The following EFCAB6 variants were observed in gnomAD, a reference collection of about 807,000 sequenced individuals.
EFCAB6 encodes EF-hand calcium-binding domain-containing protein 6.
EFCAB6 carries 156 observed loss-of-function variants against 169.8 expected under a neutral mutation model. The ratio of observed to expected loss-of-function variants is 0.92; its 90% CI spans 0.81 to 1.05. The LOEUF (loss-of-function observed/expected upper bound fraction) is 1.05. EFCAB6 is among the 50% of genes least tolerant of loss of function. The pLI is 0.00. For missense variants in EFCAB6, 1,800 were observed against 1,829.1 expected, an observed-to-expected ratio of 0.98 and a Z score of 0.29; for synonymous variants, 698 against 676.4, an observed-to-expected ratio of 1.03 and a Z score of -0.50.
At chr22:43,622,952 C>A (rs2054208157) in intron 20 of EFCAB6, among the ~76,000 whole-genome samples, 2 of 152,194 alleles carry the variant, frequency 1.3e-5, no homozygotes, top group South Asian at 2.1e-4. Flanking sequence ...CTGAATGCAG[C>A]TGGAAATTCA....
chr22:43,762,059 G>A (rs1260659311), intron 5 of EFCAB6, among the ~76,000 whole-genome samples: 2 of 152,128 alleles, frequency 1.3e-5, no homozygotes, highest in East Asian at 3.9e-4. Context: ...CCACAGAAGG[G>A]CACACCCCGT....
rs566714625 is a variant in EFCAB6 at position 43,541,314 on chromosome 22, CG to C, written c.3649-958del. Among the ~76,000 whole-genome samples the C allele has an allele frequency of 3.0e-4, 45 of 152,278 alleles. No individual in the cohort carries two copies. In the East Asian group the frequency reaches 7.5e-3, roughly 25 times the overall value. On this transcript the variant is annotated intron_variant, in intron 27 of 31. Transcript: ENST00000262726. ...TCCTCAGAAGAAGCAGGGAGAGGTA[CG>C]GAAGTCGGGGTTGGGGGGTGCAAAG...
At chr22:43,542,514 A>G (rs1434075679) in intron 27 of EFCAB6, among the ~76,000 whole-genome samples, 1 of 152,208 alleles carries the variant, frequency 6.6e-6, no homozygotes, top group Non-Finnish European at 1.5e-5. Flanking sequence ...TGGGAGGTGG[A>G]TGCTGCAGTG....
chr22:43,543,567 G>A (rs1380556968), intron 27 of EFCAB6, among the ~76,000 whole-genome samples: 3 of 152,168 alleles, frequency 2.0e-5, no homozygotes, highest in African/African-American at 4.8e-5. Context: ...GGGAAGGATC[G>A]ACATCCTTGC....
intron 12 of EFCAB6, 172 bp downstream of exon 12, chr22:43,683,575 G>A (rs1351766100): frequency 1.2e-5 from 7 of 582,910 alleles, no homozygotes; most frequent in Admixed American, 9.0e-5. Flanking sequence ...CCTTGAGCTC[G>A]GGGCTTCTAT....
rs142288965 is a variant in EFCAB6 at position 43,600,905 on chromosome 22, C to T, written c.2682-642G>A. ...CTCAAACTCCTGACCTCAGGTGATC[C>T]GCCGGCTTCGGCCTCCCAAAGTACT... On this transcript the variant is annotated intron_variant, in intron 22 of 31. Coordinates refer to ENST00000262726, the MANE Select transcript of EFCAB6 (RefSeq NM_022785.4). 3.2e-3 allele frequency among the ~76,000 whole-genome samples: 491 copies of T among 152,312 alleles called. 2 individuals carry two copies. The highest frequency in any genetic ancestry group is 0.011 in the African/African-American group (476 of 41,558).
At chr22:43,614,189 A>AAAAAAAAAAAAAAAAAAAAAC in intron 21 of EFCAB6, among the ~76,000 whole-genome samples, 1 of 150,464 alleles carries the variant, frequency 6.6e-6, no homozygotes, top group Non-Finnish European at 1.5e-5. Context: ...AAAAAAAAAA[A>AAAAAAAAAAAAAAAAAAAAAC]AAAAGAACAA....
Position 43,590,205 on chromosome 22 carries a change from T to C in EFCAB6, c.2901A>G (p.Gln967=). 1 of 1,613,996 alleles carries C rather than the reference T, an allele frequency of 6.2e-7. No homozygotes were observed. Among genetic ancestry groups the C allele is most frequent in the Non-Finnish European group, 8.5e-7 (1 of 1,179,950 alleles). ...AARDKLMDRH[Q]DISKAFTKTD... Reference sequence around the variant, plus strand: ...TTTTGGTGAATGCTTTGCTGATATCTTGATGGCGGTCCATAAGCTTATCCC... The same window carrying C: ...TTTTGGTGAATGCTTTGCTGATATCCTGATGGCGGTCCATAAGCTTATCCC... The change falls in exon 24 of 32, where the codon CAA becomes CAG. Residue 967 remains glutamine (Q), a synonymous_variant. Transcript: ENST00000262726.
Position 43,534,844 on chromosome 22 carries a change from T to C in EFCAB6, c.4077A>G (p.Ile1359Met), listed in dbSNP as rs150523946. The C allele has an allele frequency of 1.5e-5, 24 of 1,606,768 alleles. No individual in the cohort carries two copies. Among genetic ancestry groups the C allele is most frequent in the Middle Eastern group, 1.7e-4 (1 of 6,038 alleles). Residue 1359 changes from isoleucine (I) to methionine (M), a missense_variant, in exon 30 of 32, where the codon ATA becomes ATG. Transcript: ENST00000262726. ...LALVEKFNLDISKEECQQLII... is the reference protein window; with the variant it reads ...LALVEKFNLDMSKEECQQLII... ...TGAGCTGCTGACACTCCTCTTTGCT[T>C]ATGTCCAGGTTGAATTTCTCCACAA...
At chr22:43,786,583 A>G (rs1267407355) in intron 2 of EFCAB6, among the ~76,000 whole-genome samples, 1 of 152,038 alleles carries the variant, frequency 6.6e-6, no homozygotes, top group African/African-American at 2.4e-5. Context: ...TTAGCAGGGC[A>G]TGGTGGCGGG....
intron 23 of EFCAB6, among the ~76,000 whole-genome samples, chr22:43,595,897 C>T (rs2051961620): frequency 6.6e-6 from 1 of 152,058 alleles, no homozygotes; most frequent in South Asian, 2.1e-4. Context: ...GGACCATTCA[C>T]CATGATCAAG....
chr22:43,773,840 T>A (rs561514516), intron 3 of EFCAB6, among the ~76,000 whole-genome samples: 1 of 152,258 alleles, frequency 6.6e-6, no homozygotes, highest in South Asian at 2.1e-4. Context: ...AGAGTGAAAC[T>A]CCGTCTCAGA....
At chr22:43,703,668 T>A (rs1016423489) in intron 10 of EFCAB6, among the ~76,000 whole-genome samples, 1 of 151,486 alleles carries the variant, frequency 6.6e-6, no homozygotes, top group African/African-American at 2.4e-5. Flanking sequence ...ACAATTTTTT[T>A]AAAACCCAAA....
At chr22:43,698,908 T>C (rs2058672135) in intron 10 of EFCAB6, among the ~76,000 whole-genome samples, 1 of 152,184 alleles carries the variant, frequency 6.6e-6, no homozygotes, top group Non-Finnish European at 1.5e-5. Context: ...TGGTTTCTCT[T>C]TTTCTATTCC....
chr22:43,576,933 C>T (rs1315434684), intron 25 of EFCAB6, among the ~76,000 whole-genome samples: 1 of 152,194 alleles, frequency 6.6e-6, no homozygotes, highest in East Asian at 1.9e-4. Flanking sequence ...CCCACCGCAT[C>T]ACATCAGGGC....
At chr22:43,782,052 G>C (rs1310719445) in intron 3 of EFCAB6, 128 bp downstream of exon 3, 2 of 950,844 alleles carry the variant, frequency 2.1e-6, no homozygotes, top group African/African-American at 3.3e-5. Flanking sequence ...GATAAAAACA[G>C]AGCCTAATTC....
At chr22:43,610,129 T>A (rs11912417) in intron 21 of EFCAB6, among the ~76,000 whole-genome samples, 5 of 152,280 alleles carry the variant, frequency 3.3e-5, no homozygotes, top group African/African-American at 1.2e-4. Flanking sequence ...CAGAGTAGAA[T>A]TCTTAAACAA....
intron 25 of EFCAB6, among the ~76,000 whole-genome samples, chr22:43,580,191 C>A (rs987371944): frequency 6.6e-6 from 1 of 152,168 alleles, no homozygotes; most frequent in African/African-American, 2.4e-5. Flanking sequence ...CCCACTCTTG[C>A]CCAAGGGCCT....
chr22:43,807,623 G>A (rs1355128343), intron 2 of EFCAB6, among the ~76,000 whole-genome samples: 1 of 152,186 alleles, frequency 6.6e-6, no homozygotes, highest in Non-Finnish European at 1.5e-5. Flanking sequence ...TAAAAAGTGT[G>A]CACAGCCAAA....
Sources: gnomAD v4.1 joint callset for allele counts (sites outside exome capture counted in the v4.1 genomes callset) on GRCh38, gnomAD v4.1.1 for gene constraint, MANE v1.5 for transcripts, NCBI Gene and HGNC (gene_info 2026-07-23, HGNC 2026-07-21) for gene names.